The following TTC23L variants were observed in gnomAD, a reference collection of about 807,000 sequenced individuals.
TTC23L encodes tetratricopeptide repeat domain 23 like.
TTC23L carries 42 observed loss-of-function variants against 48.1 expected under a neutral mutation model. The observed-to-expected ratio is 0.87, with a 90% CI of 0.68 to 1.13. The LOEUF (loss-of-function observed/expected upper bound fraction) is 1.13, where lower values mean the gene tolerates loss of function less well. TTC23L is among the 50% of genes most tolerant of loss of function. TTC23L has a pLI of 0.00. For synonymous variants in TTC23L, 159 were observed against 157.2 expected (o/e 1.01, Z -0.09); for missense variants, 391 against 421.0 (o/e 0.93, Z 0.62).
At chr5:34,908,335 G>C in the TTC23L span, 1 of 152,352 alleles carries the variant, frequency 6.6e-6, no homozygotes, top group Non-Finnish European at 1.5e-5. Context: ...CACCACGTCC[G>C]GCTAATTTTT....
At chr5:34,846,548 C>A (rs1759154883) in intron 3 of TTC23L, among the ~76,000 whole-genome samples, 3 of 96,268 alleles carry the variant, frequency 3.1e-5, no homozygotes, top group Admixed American at 1.5e-4. Flanking sequence ...CCGACAACAG[C>A]TAGACTCTGT....
the TTC23L span, chr5:34,921,524 G>T: frequency 6.6e-6 from 1 of 152,154 alleles, no homozygotes; most frequent in Non-Finnish European, 1.5e-5. Flanking sequence ...GATTATGAAG[G>T]ATTAACATAA....
At chr5:34,839,570 G>A in intron 1 of TTC23L, 2 of 919,206 alleles carry the variant, frequency 2.2e-6, no homozygotes, top group Non-Finnish European at 2.6e-6. Flanking sequence ...TTTGCTGTGG[G>A]CATAGTGTTT....
chr5:34,913,158 A>C, the TTC23L span, among the ~76,000 whole-genome samples: 2 of 152,348 alleles, frequency 1.3e-5, no homozygotes, highest in East Asian at 3.9e-4. Context: ...TAGGAAAAAG[A>C]AGCAATTAAA....
At chr5:34,845,706 C>T in intron 3 of TTC23L, 33 bp downstream of exon 3, 1 of 1,579,036 alleles carries the variant, frequency 6.3e-7, no homozygotes, top group Non-Finnish European at 8.6e-7. Context: ...ATTTTGTTTC[C>T]ATTTAAAAAT....
At chr5:34,918,140 CAAAAAAA>C in the TTC23L span, 2 of 103,486 alleles carry the variant, frequency 1.9e-5, no homozygotes, top group Non-Finnish European at 3.5e-5. Flanking sequence ...CCCATCTCTA[CAAAAAAA>C]AAAAAAAAAA....
At chr5:34,888,416 T>A (rs1762664304) in intron 9 of TTC23L, 1 of 943,678 alleles carries the variant, frequency 1.1e-6, no homozygotes, top group Non-Finnish European at 1.3e-6. Flanking sequence ...GTGCTTGCTA[T>A]CTGATTCTCT....
the TTC23L span, among the ~76,000 whole-genome samples, chr5:34,911,008 G>T: frequency 2.0e-5 from 3 of 152,122 alleles, no homozygotes; most frequent in African/African-American, 7.2e-5. Context: ...CATTTCCCAG[G>T]TATCTGTGTG....
In TTC23L at chr5:34,850,449, G is replaced by A. The variant is rs115104214; in HGVS notation, c.379+141G>A. On this transcript the variant is annotated intron_variant, in intron 4 of 10. Coordinates refer to ENST00000505624, the Ensembl canonical transcript of TTC23L. ...ACATTATCAGGAAGGAAAGTCCATG[G>A]ATGAGGGAGACAGTGTGCAAGGATC... The A allele has an allele frequency of 6.2e-4, 564 of 911,384 alleles. 3 individuals carry two copies. The African/African-American group carries it at 0.012, about 19-fold the overall frequency. The allele number at this position is 911,384 out of a possible 1,614,324, so 56.5% of individuals were successfully genotyped here.
rs1156709677 is a variant in TTC23L, at chr5:34,846,561, CAAAAA to C, written c.255+900_255+904del. 2.7e-3 allele frequency among the ~76,000 whole-genome samples: 84 copies of C among 31,570 alleles called. 14 individuals carry two copies. The highest frequency in any genetic ancestry group is 1.0e-2 in the African/African-American group (82 of 8,240). The allele number at this position is 31,570 out of a possible 152,430, so 20.7% of individuals were successfully genotyped here. On this transcript the variant is annotated intron_variant, in intron 3 of 10. Coordinates refer to ENST00000505624, the Ensembl canonical transcript of TTC23L. ...GGCCGACAACAGCTAGACTCTGTCT[CAAAAA>C]AAAAAAAAAAATATATATATATATA...
intron 9 of TTC23L, among the ~76,000 whole-genome samples, chr5:34,892,224 G>A (rs545053412): frequency 1.2e-4 from 18 of 152,106 alleles, no homozygotes; most frequent in Non-Finnish European, 2.2e-4. Flanking sequence ...CACCTCTTCC[G>A]GAAACTCGTT....
the TTC23L span, chr5:34,906,527 T>A: frequency 3.3e-5 from 5 of 152,046 alleles, no homozygotes; most frequent in African/African-American, 1.2e-4. Context: ...TAGTCGTAGC[T>A]ATTTGGGAAG....
chr5:34,887,815 C>T (rs1561155590), intron 9 of TTC23L, among the ~76,000 whole-genome samples: 1 of 152,072 alleles, frequency 6.6e-6, no homozygotes, highest in Admixed American at 6.5e-5. Context: ...AAGCTGTAAT[C>T]AGTGATATCA....
At chr5:34,897,159 TG>T (rs1032178628) in intron 10 of TTC23L, among the ~76,000 whole-genome samples, 4 of 151,928 alleles carry the variant, frequency 2.6e-5, no homozygotes, top group African/African-American at 7.3e-5. Flanking sequence ...CTGAGGCAGG[TG>T]GATTGTCTGA....
chr5:34,882,767 T>C (rs1762313242), intron 9 of TTC23L, among the ~76,000 whole-genome samples: 1 of 152,114 alleles, frequency 6.6e-6, no homozygotes, highest in African/African-American at 2.4e-5. Context: ...CGGCTGGGTA[T>C]GGAGACTCAC....
the TTC23L span, chr5:34,925,207 CTTTTT>C: frequency 1.7e-5 from 23 of 1,357,328 alleles, no homozygotes; most frequent in Admixed American, 5.4e-5. Context: ...AGCATCTAAT[CTTTTT>C]TTTTTTTTTT....
Position 34,866,482 on chromosome 5 carries a change from G to A in TTC23L, c.663-410G>A, listed in dbSNP as rs78575488. Among the ~76,000 whole-genome samples the A allele has an allele frequency of 3.5e-3, 538 of 152,194 alleles. 2 individuals carry two copies. The highest frequency in any genetic ancestry group is 0.012 in the African/African-American group (507 of 41,542). ...TTTTCTATCCTCATTTTTAACTGAG[G>A]AGGAATTCGCCAAATTAAATGGAAC... On this transcript the variant is annotated intron_variant, in intron 6 of 10. Transcript: ENST00000505624.
At chr5:34,914,338 A>C in the TTC23L span, 2 of 299,630 alleles carry the variant, frequency 6.7e-6, no homozygotes, top group African/African-American at 2.2e-5. Context: ...CCACATATAT[A>C]AAACGGGAAT....
the TTC23L span, among the ~76,000 whole-genome samples, chr5:34,910,616 C>T: frequency 5.9e-4 from 89 of 152,114 alleles, 1 homozygote; most frequent in African/African-American, 2.1e-3. Context: ...TTAGTAGAGA[C>T]AGGGTTTCAC....
Sources: allele counts gnomAD v4.1 joint callset (sites outside exome capture counted in the v4.1 genomes callset), GRCh38; gene constraint gnomAD v4.1.1; transcripts MANE v1.5; gene names NCBI Gene and HGNC (gene_info 2026-07-23, HGNC 2026-07-21).